The following MTUS2 variants were observed in gnomAD, a reference collection of about 807,000 sequenced individuals.
MTUS2 encodes the protein microtubule associated scaffold protein 2, also known as microtubule-associated tumor suppressor candidate 2.
Under a neutral mutation model 114.1 loss-of-function variants are expected in MTUS2, and 40 were observed. The ratio of observed to expected loss-of-function variants is 0.35; its 90% CI spans 0.27 to 0.46. MTUS2 has a LOEUF of 0.46. Among genes scored for constraint, MTUS2 ranks in the 20% least tolerant of loss-of-function variants. The probability of loss-of-function intolerance (pLI) is 1.00; values close to 1 mark genes in which losing one functional copy is unlikely to be tolerated. For missense variants in MTUS2, 1,679 were observed against 1,705.4 expected (o/e 0.98, Z 0.27); for synonymous variants, 688 against 672.0 (o/e 1.02, Z -0.37).
At chr13:28,925,115 TG>T (rs1478178928) in intron 2 of MTUS2, among the ~76,000 whole-genome samples, 1 of 152,134 alleles carries the variant, frequency 6.6e-6, no homozygotes, top group African/African-American at 2.4e-5. Flanking sequence ...TGGAATGGTT[TG>T]GGTTAAGCAA....
Position 29,168,877 on chromosome 13 carries a change from A to G in MTUS2, c.2644+67907A>G, listed in dbSNP as rs941590826. On this transcript the variant is annotated intron_variant, in intron 5 of 15. Coordinates refer to ENST00000612955, the MANE Select transcript of MTUS2 (RefSeq NM_001033602.4). ...CCACAACACACATTTGTCTCCTTTC[A>G]CTTTATGAATCTGTGTGTGTGTGTG... Among the ~76,000 whole-genome samples the G allele has an allele frequency of 2.1e-4, 7 of 33,342 alleles. No homozygotes were observed. The South Asian group carries it at 5.9e-3, about 28-fold the overall frequency. The allele number at this position is 33,342 out of a possible 152,430, so 21.9% of individuals were successfully genotyped here.
intron 2 of MTUS2, among the ~76,000 whole-genome samples, chr13:28,841,856 T>A (rs1875521539): frequency 6.6e-6 from 1 of 152,120 alleles, no homozygotes; most frequent in Non-Finnish European, 1.5e-5. Flanking sequence ...CTGGCTAGAT[T>A]TTGTATTTTT....
chr13:29,224,233 A>G (rs995087833), intron 5 of MTUS2, among the ~76,000 whole-genome samples: 2 of 152,232 alleles, frequency 1.3e-5, no homozygotes, highest in African/African-American at 4.8e-5. Flanking sequence ...TGACATTTGC[A>G]TATGATCAAG....
intron 5 of MTUS2, among the ~76,000 whole-genome samples, chr13:29,198,252 T>G (rs764590253): frequency 3.3e-5 from 5 of 152,186 alleles, no homozygotes; most frequent in African/African-American, 4.8e-5. Flanking sequence ...TTGTATAAGG[T>G]GTAAGGAAGG....
chr13:28,866,343 CCTTTTCCTGA>C (rs1447541788), intron 2 of MTUS2, among the ~76,000 whole-genome samples: 1 of 152,166 alleles, frequency 6.6e-6, no homozygotes, highest in Non-Finnish European at 1.5e-5. Flanking sequence ...ATCAGAGCAT[CCTTTTCCTGA>C]CTTTCAAGTA....
At chr13:29,061,837 ATTC>A (rs1888434339) in intron 4 of MTUS2, among the ~76,000 whole-genome samples, 1 of 152,204 alleles carries the variant, frequency 6.6e-6, no homozygotes, top group Admixed American at 6.5e-5. Flanking sequence ...ATATAAGTTA[ATTC>A]TTCATGTGTG....
rs1207134462 is a variant in MTUS2, at chr13:29,026,076, G to A, written c.1378G>A (p.Gly460Ser). ...LDVIEEERRLGSGNKDSVMVL... is the reference protein window; with the variant it reads ...LDVIEEERRLSSGNKDSVMVL... ...TGTCATTGAGGAGGAAAGGCGGTTG[G>A]GCAGTGGGAATAAGGACAGTGTTAT... The change falls in exon 3 of 16, where the codon GGC (glycine) becomes AGC (serine). Residue 460 changes from glycine (G) to serine (S), a missense_variant. Coordinates refer to ENST00000612955, the MANE Select transcript of MTUS2 (RefSeq NM_001033602.4). 2 of 1,613,984 alleles carry A rather than the reference G, an allele frequency of 1.2e-6. No homozygotes were observed. Among genetic ancestry groups the A allele is most frequent in the Non-Finnish European group, 1.7e-6 (2 of 1,179,884 alleles).
At chr13:29,439,532 T>C (rs1481088180) in intron 8 of MTUS2, among the ~76,000 whole-genome samples, 1 of 152,222 alleles carries the variant, frequency 6.6e-6, no homozygotes, top group Non-Finnish European at 1.5e-5. Context: ...TAGCTAATCA[T>C]GTATGGACAA....
intron 4 of MTUS2, among the ~76,000 whole-genome samples, chr13:29,092,710 A>G (rs2138784521): frequency 6.6e-6 from 1 of 152,078 alleles, no homozygotes. Flanking sequence ...GCCCAGGGCC[A>G]AGTGAGGCCC....
At chr13:29,049,815 C>T (rs1245844652) in intron 4 of MTUS2, among the ~76,000 whole-genome samples, 2 of 152,234 alleles carry the variant, frequency 1.3e-5, no homozygotes, top group East Asian at 3.8e-4. Flanking sequence ...ACATAACCTG[C>T]ATCTTTACAA....
intron 5 of MTUS2, among the ~76,000 whole-genome samples, chr13:29,167,552 T>G (rs1814580154): frequency 6.7e-6 from 1 of 150,366 alleles, no homozygotes; most frequent in Non-Finnish European, 1.5e-5. Flanking sequence ...AATTTGATCA[T>G]TAGAAGATAA....
At chr13:29,133,403 G>T (rs1444977288) in intron 5 of MTUS2, among the ~76,000 whole-genome samples, 3 of 152,070 alleles carry the variant, frequency 2.0e-5, no homozygotes, top group Non-Finnish European at 4.4e-5. Flanking sequence ...TGTGCTTTCA[G>T]TGTCATATCT....
chr13:29,393,967 A>C lies in MTUS2; in HGVS notation c.3117+34494A>C, dbSNP rs769269753. Reference sequence around the variant, plus strand: ...TGCATGTATCTCAGTGAGCAGAGGTATGACTTTGGACAGAATGGGAGGCAG... The same window carrying C: ...TGCATGTATCTCAGTGAGCAGAGGTCTGACTTTGGACAGAATGGGAGGCAG... On this transcript the variant is annotated intron_variant, in intron 8 of 15. Coordinates refer to ENST00000612955, the MANE Select transcript of MTUS2 (RefSeq NM_001033602.4). Among the ~76,000 whole-genome samples, 4 of 152,170 alleles carry C rather than the reference A, an allele frequency of 2.6e-5. No individual in the cohort carries two copies. In the East Asian group the frequency reaches 7.7e-4, roughly 29 times the overall value.
intron 4 of MTUS2, among the ~76,000 whole-genome samples, chr13:29,084,783 C>CG (rs996105923): frequency 1.0e-4 from 12 of 118,270 alleles, no homozygotes; most frequent in South Asian, 2.8e-4. Flanking sequence ...GGTGATCCAC[C>CG]CCCCCCCCTC....
chr13:29,238,545 G>C (rs1055630437), intron 5 of MTUS2, among the ~76,000 whole-genome samples: 3 of 152,166 alleles, frequency 2.0e-5, no homozygotes, highest in African/African-American at 7.2e-5. Flanking sequence ...TGTTTTGAGG[G>C]CAGGAAGCAT....
chr13:28,837,728 T>C (rs1875190378), intron 1 of MTUS2, among the ~76,000 whole-genome samples: 1 of 152,240 alleles, frequency 6.6e-6, no homozygotes, highest in Non-Finnish European at 1.5e-5. Flanking sequence ...TCTTTATCTA[T>C]GACCATACCC....
intron 5 of MTUS2, among the ~76,000 whole-genome samples, chr13:29,266,978 A>G (rs1897689740): frequency 6.6e-6 from 1 of 152,206 alleles, no homozygotes; most frequent in Non-Finnish European, 1.5e-5. Flanking sequence ...TTAGAAGACT[A>G]CGTTGAGTCA....
chr13:29,370,993 T>G (rs781660637), intron 8 of MTUS2, among the ~76,000 whole-genome samples: 49 of 152,276 alleles, frequency 3.2e-4, no homozygotes, highest in Admixed American at 1.2e-3. Flanking sequence ...TGAAGGTAAC[T>G]ATTGATATTT....
intron 2 of MTUS2, among the ~76,000 whole-genome samples, chr13:28,955,124 A>G (rs747468129): frequency 5.3e-5 from 8 of 152,194 alleles, no homozygotes; most frequent in Non-Finnish European, 1.2e-4. Flanking sequence ...GATAGGATCC[A>G]AAGACTTTGC....
Sources: gnomAD v4.1 joint callset for allele counts (sites outside exome capture counted in the v4.1 genomes callset) on GRCh38, gnomAD v4.1.1 for gene constraint, MANE v1.5 for transcripts, NCBI Gene and HGNC (gene_info 2026-07-23, HGNC 2026-07-21) for gene names.